HBP1: variants seen among roughly 807,000 people sequenced by gnomAD.
HBP1 encodes the protein HMG box-containing protein 1.
A neutral mutation model predicts 62.6 loss-of-function variants in HBP1; 20 were observed. That is an observed-to-expected ratio of 0.32 (90% confidence interval 0.22 to 0.46). The LOEUF (loss-of-function observed/expected upper bound fraction) is 0.46, where lower values mean the gene tolerates loss of function less well. Among genes scored for constraint, HBP1 ranks in the 20% least tolerant of loss-of-function variants. The probability of loss-of-function intolerance (pLI) is 1.00; values close to 1 mark genes in which losing one functional copy is unlikely to be tolerated. For synonymous variants in HBP1, 232 were observed against 206.2 expected, an observed-to-expected ratio of 1.12 and a Z score of -1.07; for missense variants, 480 against 611.8, an observed-to-expected ratio of 0.78 and a Z score of 2.27.
intron 1 of HBP1, among the ~76,000 whole-genome samples, chr7:107,175,143 T>TGA (rs1796772005): frequency 6.6e-6 from 1 of 152,156 alleles, no homozygotes; most frequent in African/African-American, 2.4e-5. Flanking sequence ...TTCAGTATGA[T>TGA]TTTGTCCATA....
intron 1 of HBP1, among the ~76,000 whole-genome samples, chr7:107,176,030 AT>A (rs111542550): frequency 0.39 from 53,180 of 135,100 alleles, 10,635 homozygotes; most frequent in Non-Finnish European, 0.48. Flanking sequence ...TTCTTTTTTC[AT>A]TTTTTTTTTT....
chr7:107,185,194 G>A (rs1797293797), intron 3 of HBP1, among the ~76,000 whole-genome samples: 1 of 152,074 alleles, frequency 6.6e-6, no homozygotes, highest in Non-Finnish European at 1.5e-5. Context: ...TGATCTTTGA[G>A]GAGAAAAAAT....
At chr7:107,177,546 T>C (rs1796913466) in intron 1 of HBP1, among the ~76,000 whole-genome samples, 1 of 152,200 alleles carries the variant, frequency 6.6e-6, no homozygotes, top group Admixed American at 6.5e-5. Flanking sequence ...AAAATAAGAA[T>C]ATAAATTCAG....
chr7:107,198,976 ATATT>A (rs1423577844), intron 9 of HBP1, among the ~76,000 whole-genome samples: 1 of 152,204 alleles, frequency 6.6e-6, no homozygotes, highest in Non-Finnish European at 1.5e-5. Flanking sequence ...GATGGTGTGA[ATATT>A]TATTGATTTG....
chr7:107,200,595 G>A, intron 10 of HBP1: 1 of 235,310 alleles, frequency 4.2e-6, no homozygotes, highest in Non-Finnish European at 8.2e-6. Flanking sequence ...TAGTTGGGTT[G>A]AAAGATAAGC....
chr7:107,180,745 G>C (rs1391978807), intron 2 of HBP1, among the ~76,000 whole-genome samples: 1 of 152,188 alleles, frequency 6.6e-6, no homozygotes, highest in African/African-American at 2.4e-5. Context: ...GGTAATGTTT[G>C]GAAATTTAGA....
At chr7:107,186,089 A>C in intron 4 of HBP1, 147 bp downstream of exon 4, 1 of 612,032 alleles carries the variant, frequency 1.6e-6, no homozygotes, top group Non-Finnish European at 2.8e-6. Flanking sequence ...AGGAAAGCTT[A>C]TTATTAATGG....
chr7:107,172,349 T>C (rs1021229711), intron 1 of HBP1, among the ~76,000 whole-genome samples: 2 of 152,206 alleles, frequency 1.3e-5, no homozygotes, highest in African/African-American at 2.4e-5. Flanking sequence ...TTTCACTTTC[T>C]AGTTTCATCT....
chr7:107,174,104 T>G (rs1255417406), intron 1 of HBP1, among the ~76,000 whole-genome samples: 1 of 152,256 alleles, frequency 6.6e-6, no homozygotes, highest in East Asian at 1.9e-4. Context: ...GTATGTAGTT[T>G]TGAATTTTGT....
At chr7:107,180,104 C>G (rs781388899) in intron 2 of HBP1, 42 bp downstream of exon 2, 1 of 1,336,518 alleles carries the variant, frequency 7.5e-7, no homozygotes, top group Non-Finnish European at 1.0e-6. Context: ...CACTAAGATT[C>G]AGATAAATTT....
At chr7:107,187,631 C>CT (rs1216857464) in intron 6 of HBP1, among the ~76,000 whole-genome samples, 2 of 146,926 alleles carry the variant, frequency 1.4e-5, no homozygotes, top group Non-Finnish European at 3.1e-5. Context: ...CGTCCCCTTG[C>CT]TTTACTCTTC....
rs1797561568 is a variant in HBP1, at chr7:107,189,857, G to A, written c.923-316G>A. The A allele has an allele frequency of 2.4e-5, 6 of 249,998 alleles. No homozygotes were observed. The South Asian group carries it at 5.9e-4, about 25-fold the overall frequency. 15.5% of individuals were successfully genotyped at this position (249,998 alleles called of 1,614,324 possible). On this transcript the variant is annotated intron_variant, in intron 7 of 10. Coordinates refer to ENST00000222574, the MANE Select transcript of HBP1 (RefSeq NM_012257.4). ...ATTCAGAGACTATTTCATGGTCTCA[G>A]TCATTTATCACTTATTGTCATTGTA...
At chr7:107,177,141 T>C (rs1796890833) in intron 1 of HBP1, among the ~76,000 whole-genome samples, 1 of 152,190 alleles carries the variant, frequency 6.6e-6, no homozygotes, top group African/African-American at 2.4e-5. Context: ...AAAGACGTCA[T>C]TTTACACTTT....
intron 1 of HBP1, among the ~76,000 whole-genome samples, chr7:107,177,456 A>G (rs34021916): frequency 0.22 from 33,579 of 152,204 alleles, 4,189 homozygotes; most frequent in East Asian, 0.32. Context: ...CAGTAAGGCA[A>G]TATGCATGCA....
At chr7:107,179,110 A>G (rs1352253332) in intron 1 of HBP1, among the ~76,000 whole-genome samples, 4 of 152,258 alleles carry the variant, frequency 2.6e-5, no homozygotes, top group East Asian at 1.9e-4. Context: ...TAAAAAACAC[A>G]GTAAATAGAG....
At chr7:107,197,741 A>G (rs1040551318) in intron 9 of HBP1, among the ~76,000 whole-genome samples, 1 of 152,216 alleles carries the variant, frequency 6.6e-6, no homozygotes, top group African/African-American at 2.4e-5. Context: ...ACTTTTGGCA[A>G]TTAATCTTTA....
intron 1 of HBP1, chr7:107,174,447 G>T: frequency 1.0e-6 from 1 of 983,948 alleles, no homozygotes; most frequent in South Asian, 4.7e-5. Context: ...CTTCATTTAA[G>T]GAGTTTTGGG....
At chr7:107,198,585 C>A (rs1798042835) in intron 9 of HBP1, among the ~76,000 whole-genome samples, 1 of 152,098 alleles carries the variant, frequency 6.6e-6, no homozygotes, top group Admixed American at 6.5e-5. Flanking sequence ...ACATTGAGGG[C>A]CATCAGATAT....
intron 1 of HBP1, among the ~76,000 whole-genome samples, chr7:107,171,611 C>T (rs1796599315): frequency 6.6e-6 from 1 of 152,062 alleles, no homozygotes; most frequent in South Asian, 2.1e-4. Flanking sequence ...TCACGCCTGT[C>T]CCAGCGCTTT....
Sources: gnomAD v4.1 joint callset for allele counts (sites outside exome capture counted in the v4.1 genomes callset) on GRCh38, gnomAD v4.1.1 for gene constraint, MANE v1.5 for transcripts, NCBI Gene and HGNC (gene_info 2026-07-23, HGNC 2026-07-21) for gene names.